Variants in NOLC1 observed in about 807,000 individuals in gnomAD.
NOLC1 encodes 140 kDa nucleolar phosphoprotein.
NOLC1 carries 37 observed loss-of-function variants against 73.4 expected under a neutral mutation model. The ratio of observed to expected loss-of-function variants is 0.50; its 90% confidence interval spans 0.39 to 0.66. NOLC1 has a LOEUF of 0.66. Ranked by LOEUF, NOLC1 falls within the 30% of genes least tolerant of loss-of-function variation. The probability of loss-of-function intolerance (pLI) is 0.00; values close to 1 mark genes in which losing one functional copy is unlikely to be tolerated. For synonymous variants in NOLC1, 327 were observed against 302.6 expected, an observed-to-expected ratio of 1.08 and a Z score of -0.84; for missense variants, 921 against 838.9, an observed-to-expected ratio of 1.10 and a Z score of -1.21.
rs769073948 is a variant in NOLC1, at chr10:102,159,242, T to TAGCAGC, written c.669_674dup (p.Ser226_Ser227dup). ...ATGGTAAAGCAGCCAGTAGCAGCAG[T>TAGCAGC]AGCAGCAGCAGCAGCAGTAGCAGTG... On this transcript the variant is annotated inframe_insertion, in exon 6 of 13. Coordinates refer to ENST00000605788, the MANE Select transcript of NOLC1 (RefSeq NM_004741.5). 7.4e-6 allele frequency: 12 copies of TAGCAGC among 1,612,996 alleles called. No homozygotes were observed. Among genetic ancestry groups the TAGCAGC allele is most frequent in the Middle Eastern group, 1.7e-4 (1 of 6,060 alleles).
chr10:102,155,278 G>A (rs1030947566), intron 1 of NOLC1, among the ~76,000 whole-genome samples: 1 of 151,810 alleles, frequency 6.6e-6, no homozygotes, highest in African/African-American at 2.4e-5. Context: ...ACCCGCCTCA[G>A]CCTCACAAAG....
Position 102,159,853 on chromosome 10 carries a change from T to G in NOLC1, c.860-43T>G, listed in dbSNP as rs147984410. 2,572 of 1,475,248 alleles carry G rather than the reference T, an allele frequency of 1.7e-3. 40 individuals are homozygous for G. The highest frequency in any genetic ancestry group is 3.1e-3 in the East Asian group (125 of 40,700). 91.4% of individuals were successfully genotyped at this position (1,475,248 alleles called of 1,614,324 possible). A position where few individuals can be genotyped will look rare whatever the true frequency, so the allele number is the denominator to read the frequency against. On this transcript the variant is annotated intron_variant, in intron 7 of 12. Coordinates refer to ENST00000605788, the MANE Select transcript of NOLC1 (RefSeq NM_004741.5). Reference sequence around the variant, plus strand: ...ACAAGAAAGTAGTATCAAAAAAAGTTGTAGACATATCCTAAAACCATCACA... The same window carrying G: ...ACAAGAAAGTAGTATCAAAAAAAGTGGTAGACATATCCTAAAACCATCACA...
In NOLC1 at chr10:102,160,242, C is replaced by T. The variant is rs567721213; in HGVS notation, c.998C>T (p.Ser333Phe). The T allele has an allele frequency of 1.2e-6, 2 of 1,613,952 alleles. No individual in the cohort carries two copies. The highest frequency in any genetic ancestry group is 2.2e-5 in the East Asian group (1 of 44,870). The change falls in exon 9 of 13, where the codon TCT (serine) becomes TTT (phenylalanine). Residue 333 changes from serine to phenylalanine, a missense_variant. Ser to Phe is a radical substitution (Grantham distance 155, BLOSUM62 -2). Transcript: ENST00000605788. ...TACAGGTTCTCCTCAGATTCAAGTT[C>T]TGAAGAAGAGAAGAAACCCCCAACT... ...EDSSDESDSSSEEEKKPPTKA... is the reference protein window; with the variant it reads ...EDSSDESDSSFEEEKKPPTKA...
chr10:102,162,766 G>C lies in NOLC1; in HGVS notation c.*497G>C, dbSNP rs1320933583. On this transcript the variant is annotated 3_prime_UTR_variant, in exon 13 of 13. Transcript: ENST00000605788. ...CTCCTTCCCTCAAAACCCTAGAGAG[G>C]GGCATTAAAGAATTGTTGATGTATA... 6.5e-6 allele frequency: 1 copy of C among 152,678 alleles called. No homozygotes were observed. Among genetic ancestry groups the C allele is most frequent in the Admixed American group, 6.5e-5 (1 of 15,276 alleles). 9.5% of individuals were successfully genotyped at this position (152,678 alleles called of 1,614,324 possible). A position where few individuals can be genotyped will look rare whatever the true frequency, so the allele number is the denominator to read the frequency against.
chr10:102,159,220 G>A lies in NOLC1; in HGVS notation c.635G>A (p.Gly212Asp), dbSNP rs2069654751. 1 of 1,613,840 alleles carries A rather than the reference G, an allele frequency of 6.2e-7. No homozygotes were observed. The highest frequency in any genetic ancestry group is 8.5e-7 in the Non-Finnish European group (1 of 1,179,984). Residue 212 changes from glycine (G) to aspartate (D), a missense_variant, in exon 6 of 13, where the codon GGT becomes GAT. Gly to Asp is a moderately conservative substitution (Grantham distance 94, BLOSUM62 -1). Transcript: ENST00000605788. The part of the protein sequence containing the change: ...PARAAPKIAN[G>D]KAASSSSSSS... ...CGAGCAGCACCTAAAATAGCCAATG[G>A]TAAAGCAGCCAGTAGCAGCAGTAGC...
chr10:102,160,091 G>A (rs1329189684), intron 8 of NOLC1, 67 bp downstream of exon 8: 2 of 1,592,234 alleles, frequency 1.3e-6, no homozygotes, highest in Middle Eastern at 1.7e-4. Context: ...ATAAGGGAGA[G>A]AGAAAGCCTT....
At position 102,159,959 on chromosome 10, in the gene NOLC1, C is replaced by T; in HGVS notation, c.923C>T (p.Pro308Leu). The change falls in exon 8 of 13, where the codon CCT (proline) becomes CTT (leucine). Residue 308 changes from proline (P) to leucine (L), a missense_variant. Physicochemically the swap from Pro to Leu is moderately conservative, Grantham distance 98 (BLOSUM62 -3). Coordinates refer to ENST00000605788, the MANE Select transcript of NOLC1 (RefSeq NM_004741.5). ...CCAAAGAAGTCTCTGGGAACCCAGC[C>T]TCCCAAGAAGGCTGTGGAGAAGCAG... is the stretch of plus-strand genomic sequence containing the variant. ...PPPKKSLGTQ[P>L]PKKAVEKQQP... The T allele has an allele frequency of 1.2e-6, 2 of 1,610,984 alleles. No homozygotes were observed. Among genetic ancestry groups the T allele is most frequent in the Non-Finnish European group, 1.7e-6 (2 of 1,178,602 alleles).
chr10:102,160,903 CA>C lies in NOLC1; in HGVS notation c.1553del (p.Asn518ThrfsTer35). The C allele has an allele frequency of 6.2e-7, 1 of 1,614,136 alleles. No homozygotes were observed. The highest frequency in any genetic ancestry group is 8.5e-7 in the Non-Finnish European group (1 of 1,180,030). On this transcript the variant is annotated frameshift_variant, in exon 10 of 13. Coordinates refer to ENST00000605788, the MANE Select transcript of NOLC1 (RefSeq NM_004741.5). LOFTEE classifies it high-confidence loss of function. ...CAAAGAAAGGAAAGGCTGAGAGCAGCAACAGTTCTTCTTCTGATGACTCCAG... is the reference window on the plus strand; with the variant it reads ...CAAAGAAAGGAAAGGCTGAGAGCAGCACAGTTCTTCTTCTGATGACTCCAG... ...SAKKGKAESS[N>X]SSSSDDSSEE...
Position 102,157,552 on chromosome 10 carries a change from C to T in NOLC1, c.438C>T (p.Val146=). The T allele has an allele frequency of 6.2e-7, 1 of 1,613,618 alleles. No individual in the cohort carries two copies. Among genetic ancestry groups the T allele is most frequent in the Non-Finnish European group, 8.5e-7 (1 of 1,179,876 alleles). Reference sequence around the variant, plus strand: ...AGGAGGACCAAAAGAAACAGCCTGTCCAGGTTTGCAGCTTTGGGAAGAAAA... The same window carrying T: ...AGGAGGACCAAAAGAAACAGCCTGTTCAGGTTTGCAGCTTTGGGAAGAAAA... The part of the protein sequence containing the change: ...DDEEDQKKQP[V]QKGVKPQAKA... Residue 146 remains valine (V), a synonymous_variant, in exon 4 of 13, where the codon GTC becomes GTT. Transcript: ENST00000605788.
intron 3 of NOLC1, 42 bp downstream of exon 3, chr10:102,157,370 G>T (rs2069616969): frequency 6.2e-7 from 1 of 1,613,370 alleles, no homozygotes; most frequent in Non-Finnish European, 8.5e-7. Context: ...GCCAGGAAAA[G>T]AATTTACAGC....
chr10:102,161,711 A>G, intron 11 of NOLC1, 49 bp downstream of exon 11: 1 of 1,568,494 alleles, frequency 6.4e-7, no homozygotes, highest in African/African-American at 1.4e-5. Context: ...AAAAGTAGAA[A>G]AATCTAGGAT....
intron 7 of NOLC1, 107 bp downstream of exon 7, chr10:102,159,675 G>A: frequency 1.6e-6 from 2 of 1,245,750 alleles, no homozygotes; most frequent in Non-Finnish European, 2.2e-6. Flanking sequence ...TGACATGACA[G>A]CTAGCTTCTC....
chr10:102,158,412 G>A (rs1314443332), intron 5 of NOLC1, among the ~76,000 whole-genome samples, 198 bp downstream of exon 5: 1 of 152,078 alleles, frequency 6.6e-6, no homozygotes. Context: ...GAAAGTTATT[G>A]CAGCAAGAAA....
chr10:102,163,048 A>AT lies in NOLC1; in HGVS notation c.*785dup, dbSNP rs1230096499. On this transcript the variant is annotated 3_prime_UTR_variant, in exon 13 of 13. Coordinates refer to ENST00000605788, the MANE Select transcript of NOLC1 (RefSeq NM_004741.5). ...GCAAACTTTTCTACTGTTGAAAGACATTTTTTGACAACTTGACCCTTCCTA... is the reference window on the plus strand; with the variant it reads ...GCAAACTTTTCTACTGTTGAAAGACATTTTTTTGACAACTTGACCCTTCCTA... 2.6e-5 allele frequency: 4 copies of AT among 152,304 alleles called. No homozygotes were observed. The highest frequency in any genetic ancestry group is 7.2e-5 in the African/African-American group (3 of 41,566). The allele number at this position is 152,304 out of a possible 1,614,324, so 9.4% of individuals were successfully genotyped here.
At chr10:102,161,123 T>G (rs750287060) in intron 10 of NOLC1, 30 bp downstream of exon 10, 36 of 1,562,402 alleles carry the variant, frequency 2.3e-5, no homozygotes, top group Non-Finnish European at 2.9e-5. Flanking sequence ...GCCCTCTGGG[T>G]TTTGTCCCCC....
chr10:102,160,139 G>A, intron 8 of NOLC1, 94 bp from the exon 9 acceptor site: 1 of 1,595,218 alleles, frequency 6.3e-7, no homozygotes, highest in South Asian at 1.1e-5. Flanking sequence ...GCAAGACAGA[G>A]CTAAGGCTCT....
chr10:102,159,054 G>A lies in NOLC1; in HGVS notation c.608-139G>A, dbSNP rs540924940. The A allele has an allele frequency of 1.9e-4, 179 of 920,210 alleles. 1 individual carries two copies. In the African/African-American group the frequency reaches 3.1e-3, roughly 16 times the overall value. 57.0% of individuals were successfully genotyped at this position (920,210 alleles called of 1,614,324 possible). A position where few individuals can be genotyped will look rare whatever the true frequency, so the allele number is the denominator to read the frequency against. On this transcript the variant is annotated intron_variant, in intron 5 of 12. Coordinates refer to ENST00000605788, the MANE Select transcript of NOLC1 (RefSeq NM_004741.5). ...AGCCTGTGCAACAGAGCCAGAGCCA[G>A]ACTCCGTCTCCAAAAAAAAAAAAAA...
chr10:102,160,475 G>A lies in NOLC1; in HGVS notation c.1123G>A (p.Glu375Lys). The change falls in exon 10 of 13, where the codon GAA becomes AAA. Residue 375 changes from glutamate (E) to lysine (K), a missense_variant. Coordinates refer to ENST00000605788, the MANE Select transcript of NOLC1 (RefSeq NM_004741.5). ...AGACTCTGACAGCTCTGAGGATGAT[G>A]AAGCTCCTTCTAAGCCAGCTGGTAC... Reference protein sequence around the residue: ...SSDSDSSEDDEAPSKPAGTTK... With the variant: ...SSDSDSSEDDKAPSKPAGTTK... 2 of 1,613,906 alleles carry A rather than the reference G, an allele frequency of 1.2e-6. No individual in the cohort carries two copies. The highest frequency in any genetic ancestry group is 1.7e-6 in the Non-Finnish European group (2 of 1,179,900).
Position 102,157,574 on chromosome 10 carries a change from A to G in NOLC1, c.441+19A>G. 6.2e-7 allele frequency: 1 copy of G among 1,611,002 alleles called. No homozygotes were observed. The highest frequency in any genetic ancestry group is 8.5e-7 in the Non-Finnish European group (1 of 1,178,726). On this transcript the variant is annotated intron_variant, in intron 4 of 12. Transcript: ENST00000605788. ...TGTCCAGGTTTGCAGCTTTGGGAAG[A>G]AAAAGGGGTTTAAGGATTAGAAAGG...
Sources: gnomAD v4.1 joint callset for allele counts (sites outside exome capture counted in the v4.1 genomes callset) on GRCh38, gnomAD v4.1.1 for gene constraint, MANE v1.5 for transcripts, NCBI Gene and HGNC (gene_info 2026-07-23, HGNC 2026-07-21) for gene names.